Variants in KDM4C observed in about 807,000 individuals in gnomAD.
The protein encoded by KDM4C is lysine demethylase 4C, also known as lysine-specific demethylase 4C.
In KDM4C, 81 loss-of-function variants were observed where a neutral mutation model predicts 129.3. The ratio of observed to expected loss-of-function variants is 0.63; its 90% CI spans 0.52 to 0.75. The LOEUF (loss-of-function observed/expected upper bound fraction) is 0.75. Among genes scored for constraint, KDM4C ranks in the 30% least tolerant of loss-of-function variants. The pLI is 0.00. For missense variants in KDM4C, 1,457 were observed against 1,304.0 expected (o/e 1.12, Z -1.81); for synonymous variants, 573 against 456.1 (o/e 1.26, Z -3.26).
At chr9:6,976,223 C>G (rs1440335060) in intron 8 of KDM4C, among the ~76,000 whole-genome samples, 3 of 152,092 alleles carry the variant, frequency 2.0e-5, no homozygotes, top group Non-Finnish European at 2.9e-5. Flanking sequence ...CAGACATATT[C>G]TTGGTTAAAT....
intron 8 of KDM4C, among the ~76,000 whole-genome samples, chr9:6,914,918 T>A (rs1406139284): frequency 6.6e-6 from 1 of 152,250 alleles, no homozygotes; most frequent in Non-Finnish European, 1.5e-5. Flanking sequence ...GTGAATTATC[T>A]GTAATTTGCT....
At chr9:7,094,581 C>T (rs1203347126) in intron 17 of KDM4C, among the ~76,000 whole-genome samples, 2 of 152,120 alleles carry the variant, frequency 1.3e-5, no homozygotes, top group Admixed American at 6.5e-5. Flanking sequence ...TTGGGGGCTA[C>T]AGGAGAAGGG....
chr9:7,134,627 A>T (rs1766094820), intron 19 of KDM4C, among the ~76,000 whole-genome samples: 1 of 152,266 alleles, frequency 6.6e-6, no homozygotes. Context: ...TATGTAAACC[A>T]GTATAATATT....
At chr9:7,082,445 T>C (rs776769037) in intron 17 of KDM4C, among the ~76,000 whole-genome samples, 20 of 152,158 alleles carry the variant, frequency 1.3e-4, no homozygotes, top group African/African-American at 2.2e-4. Flanking sequence ...CCACAAACCA[T>C]CACTGGATTT....
chr9:6,975,540 C>G (rs1375055086), intron 8 of KDM4C, among the ~76,000 whole-genome samples: 1 of 152,136 alleles, frequency 6.6e-6, no homozygotes, highest in East Asian at 1.9e-4. Flanking sequence ...TAATGTGAGT[C>G]CTCTGCGCCT....
chr9:6,925,301 T>C lies in KDM4C; in HGVS notation c.921+32069T>C, dbSNP rs571517895. 9 of 985,070 alleles carry C rather than the reference T, an allele frequency of 9.1e-6. No homozygotes were observed. The African/African-American group carries it at 1.4e-4, about 15-fold the overall frequency. 61.0% of individuals were successfully genotyped at this position (985,070 alleles called of 1,614,324 possible). A position where few individuals can be genotyped will look rare whatever the true frequency, so the allele number is the denominator to read the frequency against. Reference sequence around the variant, plus strand: ...CTATGGGAAAATATAATAATGGAGGTCAAATAAAGGAGACACAAGCTTTCA... The same window carrying C: ...CTATGGGAAAATATAATAATGGAGGCCAAATAAAGGAGACACAAGCTTTCA... On this transcript the variant is annotated intron_variant, in intron 8 of 21. Coordinates refer to ENST00000381309, the MANE Select transcript of KDM4C (RefSeq NM_015061.6).
At chr9:6,837,035 C>G (rs1054121000) in intron 4 of KDM4C, among the ~76,000 whole-genome samples, 1 of 152,030 alleles carries the variant, frequency 6.6e-6, no homozygotes, top group African/African-American at 2.4e-5. Flanking sequence ...GTTTGTATCA[C>G]TTTATATTCC....
At chr9:7,130,673 G>C (rs972495942) in intron 19 of KDM4C, among the ~76,000 whole-genome samples, 4 of 152,230 alleles carry the variant, frequency 2.6e-5, no homozygotes, top group Non-Finnish European at 4.4e-5. Context: ...TGCCCTGGAG[G>C]GGGGCAGGTA....
intron 7 of KDM4C, among the ~76,000 whole-genome samples, chr9:6,890,298 C>T (rs1348370382): frequency 6.6e-6 from 1 of 152,162 alleles, no homozygotes; most frequent in Non-Finnish European, 1.5e-5. Context: ...ATAGTGACTA[C>T]TTAATAGGGT....
rs564942795 is a variant in KDM4C at position 6,748,562 on chromosome 9, A to T, written c.49+27565A>T. 3 of 506,988 alleles carry T rather than the reference A, an allele frequency of 5.9e-6. No homozygotes were observed. The East Asian group carries it at 9.9e-5, about 17-fold the overall frequency. The allele number at this position is 506,988 out of a possible 1,614,324, so 31.4% of individuals were successfully genotyped here. On this transcript the variant is annotated intron_variant, in intron 1 of 17. Coordinates refer to the KDM4C transcript ENST00000536108. ...TTATTAGTATTATTAGTTTTAATACAAACAATCCCACAGCATTTATTGCCA... is the reference window on the plus strand; with the variant it reads ...TTATTAGTATTATTAGTTTTAATACTAACAATCCCACAGCATTTATTGCCA...
chr9:7,062,432 G>C (rs1394539447), intron 17 of KDM4C, among the ~76,000 whole-genome samples: 2 of 152,212 alleles, frequency 1.3e-5, no homozygotes, highest in Middle Eastern at 6.8e-3. Context: ...CTGTTGCCCA[G>C]GCTGGAGTGC....
chr9:6,836,452 A>T (rs1253204568), intron 4 of KDM4C, among the ~76,000 whole-genome samples: 1 of 152,228 alleles, frequency 6.6e-6, no homozygotes, highest in Non-Finnish European at 1.5e-5. Context: ...GTTTTAAAGC[A>T]TAATGATTTT....
intron 5 of KDM4C, among the ~76,000 whole-genome samples, chr9:6,870,192 G>A (rs958581341): frequency 1.3e-5 from 2 of 152,090 alleles, no homozygotes; most frequent in African/African-American, 4.8e-5. Flanking sequence ...ACCACTTCAG[G>A]TAGTGGTTTG....
intron 8 of KDM4C, among the ~76,000 whole-genome samples, chr9:6,908,524 A>T (rs1259853287): frequency 6.6e-6 from 1 of 151,796 alleles, no homozygotes; most frequent in Non-Finnish European, 1.5e-5. Context: ...CCACGGAAGG[A>T]CCCCACCTGG....
chr9:7,105,290 C>A, intron 18 of KDM4C: 1 of 357,064 alleles, frequency 2.8e-6, no homozygotes, highest in Non-Finnish European at 5.8e-6. Context: ...TTGGTGTTCA[C>A]ACTTAGATTC....
chr9:6,956,792 A>T (rs1488011642), intron 8 of KDM4C, among the ~76,000 whole-genome samples: 1 of 152,166 alleles, frequency 6.6e-6, no homozygotes, highest in Admixed American at 6.5e-5. Flanking sequence ...ACCAGCTGGC[A>T]TGCTTTATGT....
chr9:6,920,435 C>T (rs1338505917), intron 8 of KDM4C, among the ~76,000 whole-genome samples: 2 of 152,018 alleles, frequency 1.3e-5, no homozygotes, highest in Non-Finnish European at 2.9e-5. Context: ...TGGTGGTGGG[C>T]ACCTGTAATC....
intron 18 of KDM4C, among the ~76,000 whole-genome samples, chr9:7,104,770 A>G (rs1010767481): frequency 2.6e-5 from 4 of 152,250 alleles, no homozygotes; most frequent in Non-Finnish European, 5.9e-5. Context: ...GGCTATTAGC[A>G]GCCTAACATG....
At chr9:6,967,082 C>T (rs1045234882) in intron 8 of KDM4C, among the ~76,000 whole-genome samples, 1 of 152,050 alleles carries the variant, frequency 6.6e-6, no homozygotes, top group African/African-American at 2.4e-5. Context: ...CTGAAAAACT[C>T]AATCATGAAG....
Sources: gnomAD v4.1 joint callset for allele counts (sites outside exome capture counted in the v4.1 genomes callset) on GRCh38, gnomAD v4.1.1 for gene constraint, MANE v1.5 for transcripts, NCBI Gene and HGNC (gene_info 2026-07-23, HGNC 2026-07-21) for gene names.